The following MYH15 variants were observed in gnomAD, a reference collection of about 807,000 sequenced individuals.
The protein encoded by MYH15 is myosin-15.
A neutral mutation model predicts 240.5 loss-of-function variants in MYH15; 227 were observed. The observed-to-expected ratio is 0.94, with a 90% confidence interval of 0.85 to 1.05. The LOEUF is 1.05. MYH15 is among the 50% of genes least tolerant of loss of function. The probability of loss-of-function intolerance (pLI) is 0.00; values close to 1 mark genes in which losing one functional copy is unlikely to be tolerated. For synonymous variants in MYH15, 785 were observed against 796.7 expected (o/e 0.99, Z 0.25); for missense variants, 2,217 against 2,247.5 (o/e 0.99, Z 0.27).
chr3:108,384,215 T>C (rs888879094), intron 39 of MYH15, among the ~76,000 whole-genome samples: 1 of 152,212 alleles, frequency 6.6e-6, no homozygotes, highest in Non-Finnish European at 1.5e-5. Flanking sequence ...ATGACACTTA[T>C]CAATTACATT....
At chr3:108,469,958 G>T in intron 14 of MYH15, 84 bp downstream of exon 14, 1 of 1,356,364 alleles carries the variant, frequency 7.4e-7, no homozygotes, top group Non-Finnish European at 1.0e-6. Flanking sequence ...CTCTGATAGG[G>T]CCTAAGTCCT....
At chr3:108,542,779 T>C in the MYH15 span, among the ~76,000 whole-genome samples, 487 of 152,234 alleles carry the variant, frequency 3.2e-3, 3 homozygotes, top group African/African-American at 0.011. Context: ...CTCCCACTTA[T>C]AACTGAGAAC....
intron 36 of MYH15, among the ~76,000 whole-genome samples, chr3:108,392,789 C>T (rs967327146): frequency 6.6e-6 from 1 of 152,226 alleles, no homozygotes; most frequent in Admixed American, 6.5e-5. Context: ...CAGAGAGCAT[C>T]TTCATAATAT....
intron 38 of MYH15, among the ~76,000 whole-genome samples, chr3:108,386,706 T>C (rs901269988): frequency 1.3e-5 from 2 of 151,906 alleles, no homozygotes; most frequent in Non-Finnish European, 2.9e-5. Flanking sequence ...TTACTTCTAA[T>C]AGATCTCTTG....
chr3:108,495,706 A>G, intron 7 of MYH15, 74 bp downstream of exon 7: 1 of 1,138,224 alleles, frequency 8.8e-7, no homozygotes, highest in East Asian at 2.5e-5. Context: ...TTTCATACCT[A>G]TGTGCTTACA....
At position 108,401,859 on chromosome 3, in the gene MYH15, C is replaced by G. The variant is rs963036957; in HGVS notation, c.4737-2592G>C. ...CATGTTTCATACAGAGTCAAGAAATCTTTAAAATGAAAACTCCCTCAAGTA... is the reference window on the plus strand; with the variant it reads ...CATGTTTCATACAGAGTCAAGAAATGTTTAAAATGAAAACTCCCTCAAGTA... On this transcript the variant is annotated intron_variant, in intron 33 of 40. Coordinates refer to ENST00000693548, the MANE Select transcript of MYH15 (RefSeq NM_014981.3). Among the ~76,000 whole-genome samples, 4 of 152,292 alleles carry G rather than the reference C, an allele frequency of 2.6e-5. No homozygotes were observed. In the East Asian group the frequency reaches 7.7e-4, roughly 29 times the overall value.
chr3:108,382,964 A>T (rs905798683), intron 40 of MYH15, among the ~76,000 whole-genome samples: 10 of 152,210 alleles, frequency 6.6e-5, no homozygotes, highest in South Asian at 2.1e-4. Flanking sequence ...ACCCTACCAA[A>T]CATTTAGTAC....
chr3:108,419,913 T>C lies in MYH15; in HGVS notation c.3829+1175A>G, dbSNP rs1031852242. The stretch of plus-strand genomic sequence containing the variant: ...TAAGAATTCTATCTCTCAGAATATA[T>C]TACTAAAACTGATTTTAGTTATAGA... On this transcript the variant is annotated intron_variant, in intron 28 of 40. Coordinates refer to ENST00000693548, the MANE Select transcript of MYH15 (RefSeq NM_014981.3). Among the ~76,000 whole-genome samples the C allele has an allele frequency of 8.5e-5, 13 of 152,278 alleles. 1 individual carries two copies. Among genetic ancestry groups the C allele is most frequent in the Admixed American group, 7.2e-4 (11 of 15,304 alleles).
At chr3:108,442,793 T>C (rs1330563865) in intron 22 of MYH15, among the ~76,000 whole-genome samples, 1 of 151,398 alleles carries the variant, frequency 6.6e-6, no homozygotes, top group Non-Finnish European at 1.5e-5. Context: ...TTTTGGATTC[T>C]TTTGTGTTTA....
In MYH15 at chr3:108,460,741, A is replaced by G. The variant is rs569114283; in HGVS notation, c.1865-374T>C. On this transcript the variant is annotated intron_variant, in intron 16 of 40. Transcript: ENST00000693548. ...ATGTGGATCCATATAACTTATATGG[A>G]AAGATTTCTAGGATGTTTTTAGATA... 2.6e-5 allele frequency among the ~76,000 whole-genome samples: 4 copies of G among 152,300 alleles called. No homozygotes were observed. The South Asian group carries it at 6.2e-4, about 24-fold the overall frequency.
chr3:108,402,887 G>C (rs2082516965), intron 33 of MYH15, among the ~76,000 whole-genome samples: 1 of 152,178 alleles, frequency 6.6e-6, no homozygotes, highest in Non-Finnish European at 1.5e-5. Flanking sequence ...CTTCAAGCTA[G>C]CCTTGTTTCC....
chr3:108,493,021 A>AC, intron 8 of MYH15, 93 bp downstream of exon 8: 1 of 333,886 alleles, frequency 3.0e-6, no homozygotes, highest in Non-Finnish European at 4.6e-6. Context: ...AAGAAAGAAG[A>AC]AAAGGAAGGA....
At chr3:108,436,571 G>A (rs9288872) in intron 25 of MYH15, among the ~76,000 whole-genome samples, 130,386 of 152,108 alleles carry the variant, frequency 0.86, 56,021 homozygotes, top group African/African-American at 0.88. Context: ...ACAGAGTCTC[G>A]CTCTGTCGCC....
At chr3:108,485,015 T>C (rs2083293942) in intron 11 of MYH15, 76 bp downstream of exon 11, 5 of 1,469,974 alleles carry the variant, frequency 3.4e-6, no homozygotes, top group Non-Finnish European at 9.2e-7. Flanking sequence ...GAGATGAAGT[T>C]AACTGCAAGG....
chr3:108,460,763 G>C (rs2083065259), intron 16 of MYH15, among the ~76,000 whole-genome samples: 1 of 152,070 alleles, frequency 6.6e-6, no homozygotes, highest in Non-Finnish European at 1.5e-5. Context: ...GATGTTTTTA[G>C]ATAAAAAGTT....
Position 108,501,721 on chromosome 3 carries a change from C to T in MYH15, c.330G>A (p.Trp110Ter). The stretch of plus-strand genomic sequence containing the variant: ...AAAGCATATTACACACATAGATCAT[C>T]CACTGGCCATAGCGCCGCTTCAGGG... ...LHTLKRRYGQWMIYTYSGLFC... is the reference protein window; with the variant it reads ...LHTLKRRYGQ Residue 110 changes from tryptophan (W) to a stop codon, truncating the protein, a stop_gained, in exon 3 of 41, where the codon TGG (tryptophan) becomes TGA (stop). Coordinates refer to ENST00000693548, the MANE Select transcript of MYH15 (RefSeq NM_014981.3). LOFTEE classifies it high-confidence loss of function. 1 of 1,614,056 alleles carries T rather than the reference C, an allele frequency of 6.2e-7. No homozygotes were observed. The highest frequency in any genetic ancestry group is 8.5e-7 in the Non-Finnish European group (1 of 1,179,958).
In MYH15 at chr3:108,395,350, T is replaced by A. The variant is rs547570534; in HGVS notation, c.5134-1194A>T. On this transcript the variant is annotated intron_variant, in intron 35 of 40. Transcript: ENST00000693548. Reference sequence around the variant, plus strand: ...CATTTCTCTATGGCATGAAGCATCTTTATCAAGACTGCCATCTTTTGTCCT... The same window carrying A: ...CATTTCTCTATGGCATGAAGCATCTATATCAAGACTGCCATCTTTTGTCCT... Among the ~76,000 whole-genome samples, 3 of 152,358 alleles carry A rather than the reference T, an allele frequency of 2.0e-5. No homozygotes were observed. The South Asian group carries it at 6.2e-4, about 32-fold the overall frequency.
intron 12 of MYH15, among the ~76,000 whole-genome samples, chr3:108,475,712 C>A (rs947772408): frequency 6.6e-6 from 1 of 152,190 alleles, no homozygotes; most frequent in East Asian, 1.9e-4. Flanking sequence ...GTGTGCATTA[C>A]TGCAGCCCAG....
chr3:108,463,318 C>G (rs1019813993), intron 15 of MYH15, 75 bp from the exon 16 acceptor site: 5 of 1,466,332 alleles, frequency 3.4e-6, no homozygotes, highest in Non-Finnish European at 4.6e-6. Context: ...CTGTGCATTA[C>G]CCCTTTTTTT....
Sources: allele counts gnomAD v4.1 joint callset (sites outside exome capture counted in the v4.1 genomes callset), GRCh38; gene constraint gnomAD v4.1.1; transcripts MANE v1.5; gene names NCBI Gene and HGNC (gene_info 2026-07-23, HGNC 2026-07-21).